Variants in LCN8 observed in about 807,000 individuals in gnomAD.
LCN8 encodes the protein epididymal-specific lipocalin-8.
Under a neutral mutation model 22.8 loss-of-function variants are expected in LCN8, and 16 were observed. That is an observed-to-expected ratio of 0.70 (90% CI 0.47 to 1.06). The LOEUF (loss-of-function observed/expected upper bound fraction) is 1.06. LCN8 is among the 50% of genes least tolerant of loss of function. LCN8 has a pLI of 0.00. For missense variants in LCN8, 189 were observed against 203.3 expected (o/e 0.93, Z 0.43); for synonymous variants, 92 against 83.4 (o/e 1.10, Z -0.56).
At chr9:136,756,201 C>T (rs1365413325) in intron 3 of LCN8, 2 of 1,335,896 alleles carry the variant, frequency 1.5e-6, no homozygotes, top group South Asian at 2.5e-5. Context: ...GGGAACAGCG[C>T]AGGGAACAGC....
intron 1 of LCN8, 150 bp downstream of exon 1, chr9:136,757,757 C>G: frequency 6.4e-7 from 1 of 1,555,992 alleles, no homozygotes; most frequent in Non-Finnish European, 8.7e-7. Flanking sequence ...CCGGCACAGA[C>G]TCAGCGGAGA....
chr9:136,754,878 C>T (rs967115205), intron 6 of LCN8: 9 of 1,362,188 alleles, frequency 6.6e-6, no homozygotes, highest in Non-Finnish European at 8.5e-6. Context: ...CTCTGCACCC[C>T]GTGACCCCAG....
At position 136,755,260 on chromosome 9, in the gene LCN8, G is replaced by A; in HGVS notation, c.405C>T (p.Tyr135=). ...TGGGCTCACCAGGCCGGGCCGCCAG[G>A]TAGAGACCAGTGTCTGCTGTCAGCT... ...FRELTADTGL[Y]LAARPGRCAE... Residue 135 remains tyrosine, a synonymous_variant, in exon 5 of 7, where the codon TAC becomes TAT. Coordinates refer to ENST00000371688, the MANE Select transcript of LCN8 (RefSeq NM_178469.4). The A allele has an allele frequency of 1.2e-6, 2 of 1,612,488 alleles. No individual in the cohort carries two copies. Among genetic ancestry groups the A allele is most frequent in the Non-Finnish European group, 1.7e-6 (2 of 1,179,984 alleles).
intron 6 of LCN8, chr9:136,754,739 G>A (rs760845519): frequency 1.8e-4 from 247 of 1,393,308 alleles, no homozygotes; most frequent in Non-Finnish European, 2.2e-4. Flanking sequence ...CCCAACATGG[G>A]AGCCCTGAGG....
Position 136,758,135 on chromosome 9 carries a change from C to A in LCN8, c.-205G>T. 6.9e-7 allele frequency: 1 copy of A among 1,446,850 alleles called. No homozygotes were observed. Among genetic ancestry groups the A allele is most frequent in the Non-Finnish European group, 9.1e-7 (1 of 1,099,666 alleles). The allele number at this position is 1,446,850 out of a possible 1,614,324, so 89.6% of individuals were successfully genotyped here. On this transcript the variant is annotated 5_prime_UTR_variant, in exon 1 of 7. Transcript: ENST00000371688. ...GGCAGCTCAGAGACGTGGGTTTCTG[C>A]ACAAGCGCCATCGGCCCTGGTGACA... is the stretch of plus-strand genomic sequence containing the variant.
chr9:136,755,555 G>T, intron 3 of LCN8, 39 bp from the exon 4 acceptor site: 1 of 1,590,304 alleles, frequency 6.3e-7, no homozygotes, highest in South Asian at 1.1e-5. Flanking sequence ...AGACGTCTGA[G>T]GGGGACGGAC....
In LCN8 at chr9:136,755,350, G is replaced by T. The variant is rs746818683; in HGVS notation, c.332-17C>A. On this transcript the variant is annotated splice_polypyrimidine_tract_variant and intron_variant, in intron 4 of 6. Coordinates refer to ENST00000371688, the MANE Select transcript of LCN8 (RefSeq NM_178469.4). ...GGCTCCGAGCTGTGGGGCACAGGGG[G>T]GCTGGGCGGGCAGTCCCTGGGAGAG... is the stretch of plus-strand genomic sequence containing the variant. The T allele has an allele frequency of 6.2e-7, 1 of 1,609,928 alleles. No homozygotes were observed. Among genetic ancestry groups the T allele is most frequent in the Non-Finnish European group, 8.5e-7 (1 of 1,179,870 alleles).
chr9:136,756,577 C>A lies in LCN8; in HGVS notation c.171G>T (p.Glu57Asp), dbSNP rs776118771. The A allele has an allele frequency of 6.2e-6, 10 of 1,613,558 alleles. No homozygotes were observed. The African/African-American group carries it at 1.2e-4, about 19-fold the overall frequency. ...TTTCTGAGCCCACGATCTTCTCTAT[C>A]TCACAGCTTCCTGAGCTGAAAGGCA... is the stretch of plus-strand genomic sequence containing the variant. ...KVAYNSSGSC[E>D]IEKIVGSEID... The change falls in exon 3 of 7, where the codon GAG becomes GAT. Residue 57 changes from glutamate (E) to aspartate (D), a missense_variant. Coordinates refer to ENST00000371688, the MANE Select transcript of LCN8 (RefSeq NM_178469.4).
rs1847152718 is a variant in LCN8, at chr9:136,755,154, C to T, written c.428G>A (p.Cys143Tyr). ...GCTCACCTCCTTCAGGAGCTCGGCACACCGCCCTGCAGGATAGGCCAGCAT... is the reference window on the plus strand; with the variant it reads ...GCTCACCTCCTTCAGGAGCTCGGCATACCGCCCTGCAGGATAGGCCAGCAT... Reference protein sequence around the residue: ...GLYLAARPGRCAELLKEELI With the variant: ...GLYLAARPGRYAELLKEELI Residue 143 changes from cysteine (C) to tyrosine (Y), a missense_variant, in exon 6 of 7, where the codon TGT (cysteine) becomes TAT (tyrosine). By Grantham distance (194) the Cys-to-Tyr change is radical. Coordinates refer to ENST00000371688, the MANE Select transcript of LCN8 (RefSeq NM_178469.4). 8 of 1,593,348 alleles carry T rather than the reference C, an allele frequency of 5.0e-6. No homozygotes were observed. Among genetic ancestry groups the T allele is most frequent in the Non-Finnish European group, 6.8e-6 (8 of 1,168,992 alleles).
intron 1 of LCN8, 189 bp downstream of exon 1, chr9:136,757,718 G>A: frequency 2.0e-6 from 2 of 985,412 alleles, no homozygotes; most frequent in Non-Finnish European, 2.4e-6. Flanking sequence ...ACCTTCTCTG[G>A]GCCTGCTAAT....
At chr9:136,756,167 AGGAACAGTGCAGGGAACAGCATGG>A in intron 3 of LCN8, 1 of 399,364 alleles carries the variant, frequency 2.5e-6, no homozygotes, top group Non-Finnish European at 4.2e-6. Context: ...GAACAGCATG[AGGAACAGTGCAGGGAACAGCATGG>A]GGAACAGCGC....
upstream of LCN8, chr9:136,758,304 G>T: frequency 2.6e-6 from 3 of 1,173,122 alleles, no homozygotes; most frequent in Non-Finnish European, 3.2e-6. Flanking sequence ...CTGGGGCTCG[G>T]TGACCCCCAC....
chr9:136,754,910 CAG>C, intron 6 of LCN8: 1 of 1,365,970 alleles, frequency 7.3e-7, no homozygotes, highest in Non-Finnish European at 9.4e-7. Context: ...CCCTGCCTGG[CAG>C]CCTAGGGTCA....
intron 6 of LCN8, 38 bp downstream of exon 6, chr9:136,755,097 G>C: frequency 6.7e-7 from 1 of 1,490,192 alleles, no homozygotes; most frequent in Non-Finnish European, 8.9e-7. Flanking sequence ...AGGGGCCCGG[G>C]AACTTCAGCA....
chr9:136,754,453 G>T lies in LCN8; in HGVS notation c.*45C>A, dbSNP rs1847134781. On this transcript the variant is annotated 3_prime_UTR_variant, in exon 7 of 7. Transcript: ENST00000371688. ...GGGCAGGGTGCCCAGGAGGGGCAGG[G>T]GTGGGCGGGCGCTCCGAACCTTGTG... 6.4e-7 allele frequency: 1 copy of T among 1,554,590 alleles called. No individual in the cohort carries two copies. Among genetic ancestry groups the T allele is most frequent in the Non-Finnish European group, 8.7e-7 (1 of 1,149,150 alleles).
In LCN8 at chr9:136,757,893, G is replaced by A; in HGVS notation, c.24+14C>T. The A allele has an allele frequency of 6.2e-7, 1 of 1,613,726 alleles. No individual in the cohort carries two copies. Among genetic ancestry groups the A allele is most frequent in the Non-Finnish European group, 8.5e-7 (1 of 1,179,928 alleles). On this transcript the variant is annotated intron_variant, in intron 1 of 6. Coordinates refer to ENST00000371688, the MANE Select transcript of LCN8 (RefSeq NM_178469.4). ...GTGTAGGAGGAGCCCCACCAACTAA[G>A]AAGGAGAAGCCACCTTCTGCCGGTC...
chr9:136,756,247 A>C, intron 3 of LCN8: 1 of 1,415,054 alleles, frequency 7.1e-7, no homozygotes, highest in Non-Finnish European at 9.3e-7. Context: ...CAGGGAACGC[A>C]TGGGGAATGG....
Position 136,758,181 on chromosome 9 carries a change from T to G in LCN8, c.-251A>C. On this transcript the variant is annotated 5_prime_UTR_variant, in exon 1 of 7. It removes the in-frame stop codon of an upstream open reading frame in the 5' UTR. Coordinates refer to ENST00000371688, the MANE Select transcript of LCN8 (RefSeq NM_178469.4). The stretch of plus-strand genomic sequence containing the variant: ...TGACACCCACGCCCACCGCAGGGGT[T>G]AGCCTGGCCTAGACAGCAGCCTGCC... 7.1e-7 allele frequency: 1 copy of G among 1,413,416 alleles called. No homozygotes were observed. The highest frequency in any genetic ancestry group is 9.2e-7 in the Non-Finnish European group (1 of 1,083,924). The allele number at this position is 1,413,416 out of a possible 1,614,324, so 87.6% of individuals were successfully genotyped here.
chr9:136,757,556 A>T (rs1156389385), intron 1 of LCN8: 2 of 1,376,934 alleles, frequency 1.5e-6, no homozygotes, highest in African/African-American at 2.9e-5. Flanking sequence ...GCCAGAGAAC[A>T]GGTGGCTCGG....
Sources: gnomAD v4.1 joint callset for allele counts on GRCh38, gnomAD v4.1.1 for gene constraint, MANE v1.5 for transcripts, NCBI Gene and HGNC (gene_info 2026-07-23, HGNC 2026-07-21) for gene names.